The following TENM1 variants were observed in gnomAD, a reference collection of about 807,000 sequenced individuals.
The protein encoded by TENM1 is teneurin-1.
Under a neutral mutation model 174.8 loss-of-function variants are expected in TENM1, and 35 were observed. The observed-to-expected ratio is 0.20, with a 90% CI of 0.15 to 0.27. The LOEUF is 0.27. Among genes scored for constraint, TENM1 ranks in the 10% least tolerant of loss-of-function variants. The probability of loss-of-function intolerance (pLI) is 1.00; values close to 1 mark genes in which losing one functional copy is unlikely to be tolerated. For synonymous variants in TENM1, 781 were observed against 798.7 expected (o/e 0.98, Z 0.37); for missense variants, 1,633 against 2,130.1 (o/e 0.77, Z 4.59).
chrX:124,422,697 A>T (rs1958019315), intron 23 of TENM1, 59 bp from the exon 27 acceptor site: 1 of 1,104,347 alleles, frequency 9.1e-7, no homozygotes, highest in Non-Finnish European at 1.2e-6. Context: ...GGACAGTTTT[A>T]ACTTGAAAAA....
intron 3 of TENM1, among the ~76,000 whole-genome samples, chrX:124,845,849 G>A (rs1380350142): frequency 9.1e-6 from 1 of 110,189 alleles, no homozygotes; most frequent in African/African-American, 3.3e-5. Flanking sequence ...GTGGGGGTCA[G>A]GGAGAAGAGA....
chrX:124,679,982 T>C (rs910428419), intron 5 of TENM1, among the ~76,000 whole-genome samples: 1 of 111,677 alleles, frequency 9.0e-6, no homozygotes, highest in African/African-American at 3.2e-5. Context: ...TCAAACATTT[T>C]TGAAAACCCG....
chrX:125,197,181 A>C, the TENM1 span, among the ~76,000 whole-genome samples: 6 of 111,859 alleles, frequency 5.4e-5, no homozygotes, highest in African/African-American at 1.9e-4. Flanking sequence ...AAAAACCATC[A>C]TTCATACAGG....
chrX:125,008,197 C>A, the TENM1 span, among the ~76,000 whole-genome samples: 2 of 108,130 alleles, frequency 1.8e-5, no homozygotes, highest in African/African-American at 6.8e-5. Flanking sequence ...ATTTACCCAG[C>A]AAATGGAAAG....
chrX:125,204,026 C>T, the TENM1 span: 1 of 113,638 alleles, frequency 8.8e-6, no homozygotes, highest in Non-Finnish European at 1.9e-5. Flanking sequence ...CCGGCGGCCG[C>T]CGGAGGCAGG....
intron 5 of TENM1, among the ~76,000 whole-genome samples, chrX:124,690,386 C>T (rs2052485158): frequency 9.0e-6 from 1 of 111,362 alleles, no homozygotes; most frequent in Non-Finnish European, 1.9e-5. Flanking sequence ...GTATTAATTA[C>T]TACTGAGGTG....
intron 3 of TENM1, among the ~76,000 whole-genome samples, chrX:124,792,030 C>T (rs1221830913): frequency 1.8e-5 from 2 of 110,628 alleles, no homozygotes. Context: ...CTCTGGGAAA[C>T]ACCCGACCTA....
At chrX:124,442,120 C>CT (rs1198457224) in intron 23 of TENM1, among the ~76,000 whole-genome samples, 1 of 112,304 alleles carries the variant, frequency 8.9e-6, no homozygotes. Context: ...GTAACTCACT[C>CT]TTTCCTTCTA....
At chrX:124,908,118 T>C (rs909716402) in intron 1 of TENM1, among the ~76,000 whole-genome samples, 10 of 111,971 alleles carry the variant, frequency 8.9e-5, no homozygotes, top group African/African-American at 2.9e-4. Context: ...GTTTTACATA[T>C]CAAAAAAAGA....
chrX:124,872,021 ACT>A (rs2147480855), intron 3 of TENM1, among the ~76,000 whole-genome samples: 1 of 92,570 alleles, frequency 1.1e-5, no homozygotes, highest in East Asian at 3.3e-4. Flanking sequence ...ACAGAGCGAG[ACT>A]CTGTCTCAAA....
At chrX:124,686,556 A>G (rs2052369765) in intron 5 of TENM1, among the ~76,000 whole-genome samples, 1 of 112,097 alleles carries the variant, frequency 8.9e-6, no homozygotes, top group African/African-American at 3.2e-5. Context: ...GCAGCACATC[A>G]AAAAGCTTAT....
At chrX:124,711,054 G>GT (rs1413359539) in intron 4 of TENM1, among the ~76,000 whole-genome samples, 3 of 111,780 alleles carry the variant, frequency 2.7e-5, no homozygotes, top group African/African-American at 6.5e-5. Context: ...ATACAATTGG[G>GT]TTTTTTTCCA....
At chrX:125,019,113 G>C in the TENM1 span, among the ~76,000 whole-genome samples, 4 of 111,628 alleles carry the variant, frequency 3.6e-5, no homozygotes, top group Admixed American at 2.9e-4. Context: ...TAAAGTCAAT[G>C]AATATCCCAC....
the TENM1 span, among the ~76,000 whole-genome samples, chrX:125,171,076 T>C: frequency 9.0e-6 from 1 of 111,173 alleles, no homozygotes; most frequent in Non-Finnish European, 1.9e-5. Flanking sequence ...TTATTTTGTT[T>C]GTTGGTTTTT....
intron 20 of TENM1, 148 bp downstream of exon 23, chrX:124,496,868 C>T (rs899622304): frequency 5.9e-5 from 32 of 541,510 alleles, no homozygotes; most frequent in Non-Finnish European, 9.2e-5. Context: ...AGCATGTTGA[C>T]CTTTGTCCCT....
the TENM1 span, among the ~76,000 whole-genome samples, chrX:125,100,275 T>A: frequency 8.9e-6 from 1 of 112,133 alleles, no homozygotes; most frequent in African/African-American, 3.2e-5. Flanking sequence ...TTACCTCATA[T>A]GGTGAATTTG....
intron 22 of TENM1, among the ~76,000 whole-genome samples, chrX:124,477,127 T>C (rs1405837482): frequency 3.6e-5 from 4 of 111,620 alleles, no homozygotes; most frequent in Non-Finnish European, 5.6e-5. Flanking sequence ...TAGTTACTAC[T>C]GTAGTCAAGA....
chrX:124,503,415 T>A, intron 19 of TENM1, 145 bp downstream of exon 22: 1 of 484,217 alleles, frequency 2.1e-6, no homozygotes, highest in East Asian at 3.9e-5. Flanking sequence ...TAATTCAAAA[T>A]AGAATTATTA....
At position 124,481,695 on chromosome X, in the gene TENM1, G is replaced by GTATA. The variant is rs761348190; in HGVS notation, c.3949+33_3949+36dup. Reference sequence around the variant, plus strand: ...AATAAAATCTTTAGATGACCCAAGGGTATATATATATATATATTTATTTAT... The same window carrying GTATA: ...AATAAAATCTTTAGATGACCCAAGGGTATATATATATATATATATATTTATTTAT... On this transcript the variant is annotated intron_variant, in intron 22 of 31. Transcript: ENST00000422452. 13,988 of 256,711 alleles carry GTATA rather than the reference G, an allele frequency of 0.054. 331 individuals carry two copies. Among genetic ancestry groups the GTATA allele is most frequent in the African/African-American group, 0.13 (3,520 of 27,677 alleles). 21.2% of individuals were successfully genotyped at this position (256,711 alleles called of 1,213,427 possible).
Sources: gnomAD v4.1 joint callset for allele counts (sites outside exome capture counted in the v4.1 genomes callset) on GRCh38, gnomAD v4.1.1 for gene constraint, MANE v1.5 for transcripts, NCBI Gene and HGNC (gene_info 2026-07-23, HGNC 2026-07-21) for gene names.